The following PIK3C2A variants were observed in gnomAD, a reference collection of about 807,000 sequenced individuals.
The protein encoded by PIK3C2A is phosphatidylinositol-4-phosphate 3-kinase catalytic subunit type 2 alpha.
A neutral mutation model predicts 204.5 loss-of-function variants in PIK3C2A; 97 were observed. The ratio of observed to expected loss-of-function variants is 0.47; its 90% CI spans 0.40 to 0.56. PIK3C2A has a LOEUF of 0.56. PIK3C2A is among the 20% of genes least tolerant of loss of function. PIK3C2A has a pLI of 0.00. For missense variants in PIK3C2A, 1,735 were observed against 1,969.2 expected, an observed-to-expected ratio of 0.88 and a Z score of 2.25; for synonymous variants, 653 against 664.4, an observed-to-expected ratio of 0.98 and a Z score of 0.26.
chr11:17,140,448 G>C (rs891678566), intron 8 of PIK3C2A, among the ~76,000 whole-genome samples: 6 of 152,020 alleles, frequency 3.9e-5, no homozygotes, highest in African/African-American at 1.2e-4. Flanking sequence ...CAAAATGTGG[G>C]GTAGCCTGGA....
At chr11:17,198,806 C>CAAAA (rs1165591796) in intron 1 of PIK3C2A, among the ~76,000 whole-genome samples, 2 of 98,972 alleles carry the variant, frequency 2.0e-5, no homozygotes, top group African/African-American at 7.9e-5. Context: ...TCATAAAAAA[C>CAAAA]AAAACAAAAC....
Position 17,118,653 on chromosome 11 carries a change from A to G in PIK3C2A, c.3027T>C (p.Asn1009=), listed in dbSNP as rs1280475219. The G allele has an allele frequency of 7.1e-7, 1 of 1,406,674 alleles. No homozygotes were observed. The highest frequency in any genetic ancestry group is 1.0e-6 in the Non-Finnish European group (1 of 997,378). 87.1% of individuals were successfully genotyped at this position (1,406,674 alleles called of 1,614,324 possible). The change falls in exon 18 of 33, where the codon AAT becomes AAC. Residue 1009 remains asparagine (N), a synonymous_variant. Coordinates refer to ENST00000691414, the MANE Select transcript of PIK3C2A (RefSeq NM_002645.4). ...TAAAATTTAAATCTTACCAATATAA[A>G]TTGTGTGCTATCTGGATATTTCCCA... The part of the protein sequence containing the change: ...RALGNIQIAH[N]LYWLLKDALH...
At chr11:17,134,673 TA>T in intron 11 of PIK3C2A, 145 bp downstream of exon 11, 1 of 639,630 alleles carries the variant, frequency 1.6e-6, no homozygotes, top group Non-Finnish European at 2.7e-6. Flanking sequence ...CTAATTTTTT[TA>T]AAATTCTTTT....
At chr11:17,157,593 G>A (rs1419578885) in intron 2 of PIK3C2A, among the ~76,000 whole-genome samples, 1 of 151,964 alleles carries the variant, frequency 6.6e-6, no homozygotes, top group East Asian at 1.9e-4. Context: ...TCATTAATAA[G>A]AGGACACTTC....
At chr11:17,161,717 CTG>C (rs1450494602) in intron 2 of PIK3C2A, among the ~76,000 whole-genome samples, 1 of 152,172 alleles carries the variant, frequency 6.6e-6, no homozygotes, top group Non-Finnish European at 1.5e-5. Flanking sequence ...AAAATACCCT[CTG>C]TGTTGAGTTT....
intron 22 of PIK3C2A, among the ~76,000 whole-genome samples, chr11:17,105,888 C>A (rs528554669): frequency 1.3e-5 from 2 of 152,090 alleles, no homozygotes; most frequent in Admixed American, 1.3e-4. Flanking sequence ...GTGGGTGGAT[C>A]ACTTGAGGTC....
chr11:17,196,701 C>T (rs1194786946), intron 1 of PIK3C2A, among the ~76,000 whole-genome samples: 1 of 152,052 alleles, frequency 6.6e-6, no homozygotes, highest in East Asian at 1.9e-4. Flanking sequence ...TCCCGAGTAG[C>T]TGGGACTACA....
intron 13 of PIK3C2A, among the ~76,000 whole-genome samples, chr11:17,125,547 T>C (rs530435987): frequency 2.0e-5 from 3 of 152,252 alleles, no homozygotes; most frequent in Admixed American, 6.5e-5. Context: ...GGAGTCTCGT[T>C]CTGTCGCCCA....
chr11:17,164,863 T>G (rs1404436815), intron 2 of PIK3C2A, among the ~76,000 whole-genome samples: 2 of 152,014 alleles, frequency 1.3e-5, no homozygotes, highest in Non-Finnish European at 2.9e-5. Flanking sequence ...AAACCACCCA[T>G]CCTCATTATT....
At chr11:17,201,872 G>A (rs1019880122) in intron 1 of PIK3C2A, among the ~76,000 whole-genome samples, 1 of 152,088 alleles carries the variant, frequency 6.6e-6, no homozygotes, top group African/African-American at 2.4e-5. Flanking sequence ...CTTCCCAAAG[G>A]CAGGAAGTAA....
intron 1 of PIK3C2A, among the ~76,000 whole-genome samples, chr11:17,171,041 T>C (rs554765361): frequency 2.6e-4 from 39 of 152,200 alleles, no homozygotes; most frequent in Middle Eastern, 6.8e-3. Flanking sequence ...AGGCGGAGCT[T>C]GCAGTGAGCC....
At chr11:17,127,280 T>C (rs1009944661) in intron 13 of PIK3C2A, among the ~76,000 whole-genome samples, 2 of 151,934 alleles carry the variant, frequency 1.3e-5, no homozygotes, top group Non-Finnish European at 2.9e-5. Flanking sequence ...GCGACTAAAA[T>C]AAAGAAAAAT....
chr11:17,205,542 C>T (rs1242814073), intron 1 of PIK3C2A, among the ~76,000 whole-genome samples: 1 of 148,454 alleles, frequency 6.7e-6, no homozygotes, highest in African/African-American at 2.5e-5. Context: ...ACAAAAAATG[C>T]TTTGCACTAC....
At chr11:17,118,880 A>G (rs1413766371) in intron 17 of PIK3C2A, 141 bp from the exon 18 acceptor site, 3 of 549,182 alleles carry the variant, frequency 5.5e-6, no homozygotes, top group Non-Finnish European at 6.4e-6. Context: ...AAATAGATGA[A>G]TTAACCTATG....
chr11:17,160,788 C>T (rs544123767), intron 2 of PIK3C2A, among the ~76,000 whole-genome samples: 26 of 152,058 alleles, frequency 1.7e-4, no homozygotes, highest in African/African-American at 6.3e-4. Flanking sequence ...TGCACCATTA[C>T]ACTCTAGCCT....
rs1848207994 is a variant in PIK3C2A, at chr11:17,088,399, C to G, written c.*1339G>C. On this transcript the variant is annotated 3_prime_UTR_variant, in exon 33 of 33. Coordinates refer to ENST00000691414, the MANE Select transcript of PIK3C2A (RefSeq NM_002645.4). ...AAGTAGCTGGGATTACAGATGCCCG[C>G]TACCACGCCTGGCTAATTTTTGTGT... The G allele has an allele frequency of 6.6e-6, 1 of 152,248 alleles. No homozygotes were observed. Among genetic ancestry groups the G allele is most frequent in the African/African-American group, 2.4e-5 (1 of 41,450 alleles). The allele number at this position is 152,248 out of a possible 1,614,324, so 9.4% of individuals were successfully genotyped here.
chr11:17,122,383 C>T (rs1202513844), intron 14 of PIK3C2A, 50 bp from the exon 15 acceptor site: 3 of 1,137,040 alleles, frequency 2.6e-6, no homozygotes, highest in Non-Finnish European at 3.8e-6. Flanking sequence ...GTATTTGCCA[C>T]ATTAACCTCT....
At chr11:17,179,088 C>G (rs1851443972) in intron 1 of PIK3C2A, among the ~76,000 whole-genome samples, 1 of 152,080 alleles carries the variant, frequency 6.6e-6, no homozygotes, top group Non-Finnish European at 1.5e-5. Flanking sequence ...TGGTCTCAAA[C>G]TCCTGACCTC....
intron 4 of PIK3C2A, among the ~76,000 whole-genome samples, chr11:17,149,023 GT>G (rs1475174444): frequency 5.9e-5 from 9 of 152,034 alleles, no homozygotes. Flanking sequence ...CTCTATATAT[GT>G]TGGTTCTGCA....
Sources: allele counts gnomAD v4.1 joint callset (sites outside exome capture counted in the v4.1 genomes callset), GRCh38; gene constraint gnomAD v4.1.1; transcripts MANE v1.5; gene names NCBI Gene and HGNC (gene_info 2026-07-23, HGNC 2026-07-21).